The following SLC2A9 variants were observed in gnomAD, a reference collection of about 807,000 sequenced individuals.
SLC2A9 encodes the protein solute carrier family 2, facilitated glucose transporter member 9.
A neutral mutation model predicts 50.6 loss-of-function variants in SLC2A9; 39 were observed. The ratio of observed to expected loss-of-function variants is 0.77; its 90% CI spans 0.60 to 1.01. The LOEUF is 1.01. Among genes scored for constraint, SLC2A9 ranks in the 50% least tolerant of loss-of-function variants. SLC2A9 has a pLI of 0.00. For synonymous variants in SLC2A9, 324 were observed against 276.9 expected (o/e 1.17, Z -1.69); for missense variants, 686 against 677.6 (o/e 1.01, Z -0.14).
intron 6 of SLC2A9, among the ~76,000 whole-genome samples, chr4:9,939,301 C>T (rs1747696257): frequency 1.3e-5 from 2 of 152,170 alleles, no homozygotes; most frequent in Admixed American, 6.5e-5. Context: ...AACAGAACAA[C>T]ACTGTTGACC....
chr4:9,992,819 G>A (rs1253278958), intron 3 of SLC2A9, among the ~76,000 whole-genome samples: 1 of 152,198 alleles, frequency 6.6e-6, no homozygotes, highest in African/African-American at 2.4e-5. Context: ...CCTGTCACAG[G>A]CATTCAAAAA....
intron 1 of SLC2A9, chr4:9,771,481 C>G: frequency 2.5e-6 from 1 of 398,910 alleles, no homozygotes; most frequent in Non-Finnish European, 4.4e-6. Context: ...CAGTACCCAA[C>G]ACAACTGCCA....
In SLC2A9 at chr4:10,001,712, A is replaced by G. The variant is rs532519992; in HGVS notation, c.250-4771T>C. On this transcript the variant is annotated intron_variant, in intron 2 of 11. Transcript: ENST00000264784. The stretch of plus-strand genomic sequence containing the variant: ...ACCAGCAGCCTTCAGAATGGCCACT[A>G]TGTTCTTTCTTAGTGGCTGGACATT... Among the ~76,000 whole-genome samples the G allele has an allele frequency of 6.6e-5, 10 of 152,186 alleles. No individual in the cohort carries two copies. In the South Asian group the frequency reaches 1.0e-3, roughly 16 times the overall value.
intron 3 of SLC2A9, among the ~76,000 whole-genome samples, chr4:9,810,373 T>C (rs530575576): frequency 1.1e-4 from 17 of 152,290 alleles, no homozygotes; most frequent in African/African-American, 4.1e-4. Flanking sequence ...GTGGGGACAA[T>C]ACCTAGAGGC....
At chr4:9,982,917 G>A (rs9994216) in intron 4 of SLC2A9, among the ~76,000 whole-genome samples, 1 of 151,926 alleles carries the variant, frequency 6.6e-6, no homozygotes, top group Non-Finnish European at 1.5e-5. Flanking sequence ...TTGCCCAGAC[G>A]GGAGTGCAAT....
chr4:9,918,443 G>T (rs367766307), intron 7 of SLC2A9, among the ~76,000 whole-genome samples: 13 of 152,180 alleles, frequency 8.5e-5, no homozygotes, highest in African/African-American at 3.1e-4. Flanking sequence ...TTGTCCCCAT[G>T]GCTGCCTAGG....
intron 5 of SLC2A9, among the ~76,000 whole-genome samples, chr4:9,962,152 A>T (rs1384884977): frequency 6.6e-6 from 1 of 152,246 alleles, no homozygotes; most frequent in Non-Finnish European, 1.5e-5. Context: ...TGTGGAAGAC[A>T]GTGTGGCAAT....
chr4:9,961,926 G>A (rs765416356), intron 5 of SLC2A9, among the ~76,000 whole-genome samples: 14 of 152,026 alleles, frequency 9.2e-5, no homozygotes, highest in Admixed American at 2.0e-4. Context: ...GACACTTCTC[G>A]AAAGAAGACA....
intron 10 of SLC2A9, among the ~76,000 whole-genome samples, chr4:9,845,218 T>C (rs1728763502): frequency 6.6e-6 from 1 of 151,960 alleles, no homozygotes; most frequent in Admixed American, 6.6e-5. Flanking sequence ...TTTCACCGTG[T>C]TAGCCAGGAT....
At chr4:9,885,438 C>T (rs1424410731) in intron 10 of SLC2A9, among the ~76,000 whole-genome samples, 1 of 152,206 alleles carries the variant, frequency 6.6e-6, no homozygotes, top group Non-Finnish European at 1.5e-5. Flanking sequence ...GCCCCAGCTG[C>T]CTCTTCCCTG....
At chr4:9,783,562 T>TG (rs919464744) in intron 3 of SLC2A9, 1 of 1,142,882 alleles carries the variant, frequency 8.7e-7, no homozygotes, top group African/African-American at 1.6e-5. Flanking sequence ...GCTGCTCCCT[T>TG]TATCATGTGT....
intron 10 of SLC2A9, among the ~76,000 whole-genome samples, chr4:9,876,343 A>T (rs1734317343): frequency 6.6e-6 from 1 of 152,226 alleles, no homozygotes. Context: ...TTGTAATCTC[A>T]GCACTTTGGG....
chr4:9,942,544 T>C (rs897657917), intron 5 of SLC2A9, among the ~76,000 whole-genome samples: 2 of 152,182 alleles, frequency 1.3e-5, no homozygotes, highest in Admixed American at 6.5e-5. Context: ...GCTGGAGCTC[T>C]TGCAGACCCC....
intron 1 of SLC2A9, among the ~76,000 whole-genome samples, chr4:10,030,892 T>G (rs10939663): frequency 0.2 from 30,101 of 152,076 alleles, 3,901 homozygotes; most frequent in Non-Finnish European, 0.28. Context: ...TCAGCCCCAT[T>G]TCATAGACCT....
intron 3 of SLC2A9, among the ~76,000 whole-genome samples, chr4:9,819,929 G>A (rs183852440): frequency 1.5e-3 from 223 of 152,304 alleles, no homozygotes; most frequent in African/African-American, 4.7e-3. Flanking sequence ...GCGAGACTCC[G>A]TCTCAAAACA....
chr4:9,966,607 C>G (rs1283847523), intron 5 of SLC2A9, among the ~76,000 whole-genome samples: 1 of 112,416 alleles, frequency 8.9e-6, no homozygotes, highest in Non-Finnish European at 1.8e-5. Context: ...GAGCCAAGGT[C>G]GAGCCCTGCA....
intron 2 of SLC2A9, among the ~76,000 whole-genome samples, chr4:10,013,633 T>G (rs964659199): frequency 6.6e-6 from 1 of 152,232 alleles, no homozygotes; most frequent in South Asian, 2.1e-4. Context: ...AGGCGAGTTA[T>G]TTTCATTTTC....
At chr4:9,946,227 G>A (rs1166100126) in intron 5 of SLC2A9, among the ~76,000 whole-genome samples, 8 of 108,258 alleles carry the variant, frequency 7.4e-5, no homozygotes, top group Non-Finnish European at 1.2e-4. Flanking sequence ...TCAGGCGAAT[G>A]GGCTTTGCAA....
At chr4:9,782,311 C>T (rs1407865457) in intron 3 of SLC2A9, 2 of 1,613,914 alleles carry the variant, frequency 1.2e-6, no homozygotes, top group Non-Finnish European at 1.7e-6. Flanking sequence ...CGCTGCTGGT[C>T]ATGCCCTGGA....
Sources: allele counts gnomAD v4.1 joint callset (sites outside exome capture counted in the v4.1 genomes callset), GRCh38; gene constraint gnomAD v4.1.1; transcripts MANE v1.5; gene names NCBI Gene and HGNC (gene_info 2026-07-23, HGNC 2026-07-21).